WDFY4: variants seen among roughly 807,000 people sequenced by gnomAD.
The protein encoded by WDFY4 is WD repeat- and FYVE domain-containing protein 4.
In WDFY4, 169 loss-of-function variants were observed where a neutral mutation model predicts 351.9. That is an observed-to-expected ratio of 0.48 (90% CI 0.42 to 0.55). The LOEUF is 0.55. Ranked by LOEUF, WDFY4 falls within the 20% of genes least tolerant of loss-of-function variation. WDFY4 has a pLI of 0.00. For synonymous variants in WDFY4, 1,622 were observed against 1,574.6 expected, an observed-to-expected ratio of 1.03 and a Z score of -0.71; for missense variants, 3,803 against 3,935.6, an observed-to-expected ratio of 0.97 and a Z score of 0.90.
At chr10:48,900,096 G>A (rs1325716339) in intron 45 of WDFY4, 125 bp from the exon 46 acceptor site, 4 of 758,834 alleles carry the variant, frequency 5.3e-6, no homozygotes, top group Non-Finnish European at 8.4e-6. Context: ...GAACTCAAAA[G>A]GACGACCCAG....
intron 13 of WDFY4, among the ~76,000 whole-genome samples, chr10:48,771,835 T>A (rs1365478386): frequency 6.6e-6 from 1 of 152,224 alleles, no homozygotes; most frequent in Non-Finnish European, 1.5e-5. Flanking sequence ...ACTTCATTCT[T>A]GTTTGAGAAA....
intron 13 of WDFY4, among the ~76,000 whole-genome samples, chr10:48,766,893 G>T (rs2065689786): frequency 6.6e-6 from 1 of 152,182 alleles, no homozygotes; most frequent in Admixed American, 6.5e-5. Context: ...GTGAAGCCAG[G>T]TGAATACAGT....
intron 1 of WDFY4, among the ~76,000 whole-genome samples, chr10:48,694,450 C>T (rs1339100291): frequency 6.6e-6 from 1 of 152,094 alleles, no homozygotes; most frequent in African/African-American, 2.4e-5. Flanking sequence ...TCTGTGACAC[C>T]TCTTCCACCA....
chr10:48,749,821 A>G (rs2065125721), intron 12 of WDFY4, among the ~76,000 whole-genome samples: 1 of 152,170 alleles, frequency 6.6e-6, no homozygotes, highest in East Asian at 1.9e-4. Context: ...CTCCAAAGCA[A>G]GGCAGCCCTG....
chr10:48,707,707 A>T (rs1255591808), intron 1 of WDFY4, among the ~76,000 whole-genome samples: 2 of 152,202 alleles, frequency 1.3e-5, no homozygotes, highest in African/African-American at 2.4e-5. Context: ...GTGTATGTGG[A>T]TGGAAATCAG....
In WDFY4 at chr10:48,830,889, T is replaced by G; in HGVS notation, c.6526+4T>G. Reference sequence around the variant, plus strand: ...AAGGCCTGGCAGCATTACTTAGGTCTCTATCCACTCGGCTCCAGGGAATGG... The same window carrying G: ...AAGGCCTGGCAGCATTACTTAGGTCGCTATCCACTCGGCTCCAGGGAATGG... On this transcript the variant is annotated splice_donor_region_variant and intron_variant, in intron 38 of 61. Transcript: ENST00000325239. 1 of 1,549,100 alleles carries G rather than the reference T, an allele frequency of 6.5e-7. No homozygotes were observed. Among genetic ancestry groups the G allele is most frequent in the Non-Finnish European group, 8.7e-7 (1 of 1,145,054 alleles).
intron 30 of WDFY4, among the ~76,000 whole-genome samples, chr10:48,812,179 C>CTTTTTTTTTTT (rs1355851618): frequency 3.7e-5 from 5 of 134,558 alleles, no homozygotes; most frequent in African/African-American, 9.4e-5. Context: ...TCTTTCTTTT[C>CTTTTTTTTTTT]TTTTTTTTTT....
intron 57 of WDFY4, 70 bp from the exon 58 acceptor site, chr10:48,974,792 G>A (rs1564543485): frequency 2.8e-6 from 4 of 1,411,670 alleles, no homozygotes; most frequent in South Asian, 1.4e-5. Context: ...GCTTTATAGG[G>A]AGGGTGAAGA....
chr10:48,931,093 TCAAACACACACACA>T (rs1296173921), intron 47 of WDFY4, among the ~76,000 whole-genome samples: 2 of 44,314 alleles, frequency 4.5e-5, no homozygotes, highest in Non-Finnish European at 9.9e-5. Context: ...ACACTCACAC[TCAAACACACACACA>T]CACACACACA....
intron 11 of WDFY4, among the ~76,000 whole-genome samples, chr10:48,741,965 T>C (rs188545131): frequency 3.7e-4 from 56 of 152,370 alleles, no homozygotes; most frequent in Non-Finnish European, 7.1e-4. Context: ...TACAGACTTT[T>C]AATACTTATT....
intron 36 of WDFY4, among the ~76,000 whole-genome samples, chr10:48,828,274 A>G (rs371427234): frequency 3.3e-5 from 5 of 152,218 alleles, no homozygotes; most frequent in African/African-American, 1.2e-4. Flanking sequence ...CAGCAAAATT[A>G]AAATGCTAGG....
At chr10:48,830,238 C>T (rs1206012230) in intron 37 of WDFY4, among the ~76,000 whole-genome samples, 1 of 152,166 alleles carries the variant, frequency 6.6e-6, no homozygotes, top group African/African-American at 2.4e-5. Flanking sequence ...TGTTCCTGAG[C>T]CGTGAGCCAC....
At chr10:48,954,837 TAA>T (rs1485738305) in intron 51 of WDFY4, among the ~76,000 whole-genome samples, 1 of 152,234 alleles carries the variant, frequency 6.6e-6, no homozygotes, top group East Asian at 1.9e-4. Context: ...GCTTCCTTTA[TAA>T]ATAATACAGG....
rs2067778796 is a variant in WDFY4, at chr10:48,820,414, C to G, written c.5686C>G (p.Leu1896Val). The G allele has an allele frequency of 6.4e-7, 1 of 1,551,386 alleles. No individual in the cohort carries two copies. Among genetic ancestry groups the G allele is most frequent in the Non-Finnish European group, 8.7e-7 (1 of 1,146,974 alleles). Residue 1896 changes from leucine (L) to valine (V), a missense_variant, in exon 33 of 62, where the codon CTG becomes GTG. Coordinates refer to ENST00000325239, the MANE Select transcript of WDFY4 (RefSeq NM_001394531.1). ...LLGASSPKQW[L>V]PLEVLLEASP... is the part of the protein sequence containing the mutation. Reference sequence around the variant, plus strand: ...TGGAGCCTCCAGCCCCAAGCAGTGGCTGCCCCTGGAGGTGCTCCTGGAGGT... The same window carrying G: ...TGGAGCCTCCAGCCCCAAGCAGTGGGTGCCCCTGGAGGTGCTCCTGGAGGT...
At chr10:48,841,487 T>C (rs993174848) in intron 39 of WDFY4, among the ~76,000 whole-genome samples, 2 of 152,210 alleles carry the variant, frequency 1.3e-5, no homozygotes, top group Non-Finnish European at 1.5e-5. Flanking sequence ...GCAAATCTTC[T>C]AATGTATGTT....
chr10:48,807,440 C>G (rs996549065), intron 27 of WDFY4, among the ~76,000 whole-genome samples: 1 of 152,162 alleles, frequency 6.6e-6, no homozygotes, highest in South Asian at 2.1e-4. Context: ...AAAAGCCTAG[C>G]CTGGGAGCAA....
At chr10:48,713,702 C>T (rs921861459) in intron 2 of WDFY4, among the ~76,000 whole-genome samples, 2 of 152,224 alleles carry the variant, frequency 1.3e-5, no homozygotes, top group African/African-American at 4.8e-5. Context: ...TAGGGTTCCT[C>T]ACTCCTCTTG....
At chr10:48,796,563 AG>A (rs2066882185) in intron 24 of WDFY4, 113 bp downstream of exon 24, 2 of 1,406,652 alleles carry the variant, frequency 1.4e-6, no homozygotes, top group Non-Finnish European at 1.9e-6. Flanking sequence ...TCATGATGGT[AG>A]GGAGAGGGAA....
rs117738288 is a variant in WDFY4, at chr10:48,783,777, A to G, written c.3577-2862A>G. On this transcript the variant is annotated intron_variant, in intron 19 of 61. Coordinates refer to ENST00000325239, the MANE Select transcript of WDFY4 (RefSeq NM_001394531.1). ...CTATATGGTATAGCTTATTGCTCCT[A>G]GGCTATAAACCTAGACAGCATGTTG... Among the ~76,000 whole-genome samples the G allele has an allele frequency of 2.0e-5, 3 of 152,312 alleles. No homozygotes were observed. In the East Asian group the frequency reaches 5.8e-4, roughly 29 times the overall value.
Sources: gnomAD v4.1 joint callset for allele counts (sites outside exome capture counted in the v4.1 genomes callset) on GRCh38, gnomAD v4.1.1 for gene constraint, MANE v1.5 for transcripts, NCBI Gene and HGNC (gene_info 2026-07-23, HGNC 2026-07-21) for gene names.